Variants in GNAL observed in about 807,000 individuals in gnomAD.
GNAL encodes guanine nucleotide-binding protein G(olf) subunit alpha.
Under a neutral mutation model 55.1 loss-of-function variants are expected in GNAL, and 18 were observed. The ratio of observed to expected loss-of-function variants is 0.33; its 90% CI spans 0.23 to 0.48. The LOEUF is 0.48. GNAL is among the 20% of genes least tolerant of loss of function. GNAL has a pLI of 0.99. For synonymous variants in GNAL, 253 were observed against 237.0 expected (o/e 1.07, Z -0.62); for missense variants, 412 against 614.1 (o/e 0.67, Z 3.48).
chr18:11,693,607 C>T (rs2031319350), intron 1 of GNAL, among the ~76,000 whole-genome samples: 1 of 152,120 alleles, frequency 6.6e-6, no homozygotes, highest in Non-Finnish European at 1.5e-5. Context: ...ACTTATGCTG[C>T]CATTGTGTTT....
At position 11,876,614 on chromosome 18, in the gene GNAL, T is replaced by G. The variant is rs3892113; in HGVS notation, c.1163-7T>G. ...CTTAAATAAAGTTCCATTTGTCATT[T>G]CTACAGCAACACCAGATGCAGGAGA... On this transcript the variant is annotated splice_polypyrimidine_tract_variant and splice_region_variant and intron_variant, in intron 10 of 11. Coordinates refer to ENST00000334049, the MANE Select transcript of GNAL (RefSeq NM_182978.4). The G allele has an allele frequency of 0.064, 100,421 of 1,559,264 alleles. 3,621 individuals are homozygous for G. Among genetic ancestry groups the G allele is most frequent in the Middle Eastern group, 0.09 (538 of 5,972 alleles).
intron 5 of GNAL, among the ~76,000 whole-genome samples, chr18:11,854,610 C>T (rs977988922): frequency 6.6e-6 from 1 of 152,068 alleles, no homozygotes; most frequent in Non-Finnish European, 1.5e-5. Flanking sequence ...GGAGAAACCC[C>T]GCCTCTACTA....
chr18:11,862,515 A>C, intron 6 of GNAL, 66 bp downstream of exon 6: 1 of 1,265,808 alleles, frequency 7.9e-7, no homozygotes, highest in Non-Finnish European at 1.2e-6. Flanking sequence ...ATATGATTTA[A>C]TGATTATTTC....
chr18:11,753,552 A>G, intron 2 of GNAL, 76 bp from the exon 3 acceptor site: 1 of 966,520 alleles, frequency 1.0e-6, no homozygotes, highest in South Asian at 1.3e-5. Context: ...GTAGCTGGAA[A>G]TTTAAAATCC....
In GNAL at chr18:11,752,318, A is replaced by G; in HGVS notation, c.377-535A>G. ...CGGAAAACACCGAAGAGACCAGACC[A>G]TCTCTTTCAGCAGCAGGAAAGAGAG... On this transcript the variant is annotated intron_variant, in intron 1 of 11. Transcript: ENST00000334049. The surrounding 1 kb of genome is among the most constrained non-coding windows in gnomAD (Gnocchi z 4.5). 9 of 1,474,704 alleles carry G rather than the reference A, an allele frequency of 6.1e-6. No homozygotes were observed. The highest frequency in any genetic ancestry group is 5.3e-5 in the East Asian group (2 of 38,034). 91.4% of individuals were successfully genotyped at this position (1,474,704 alleles called of 1,614,324 possible).
chr18:11,827,722 A>C (rs1207857506), intron 5 of GNAL, among the ~76,000 whole-genome samples: 2 of 152,338 alleles, frequency 1.3e-5, no homozygotes, highest in Admixed American at 1.3e-4. Context: ...CTGTAATCCC[A>C]GCACTTTGGG....
intron 5 of GNAL, among the ~76,000 whole-genome samples, chr18:11,858,879 A>C (rs779112930): frequency 6.6e-6 from 1 of 152,168 alleles, no homozygotes; most frequent in Non-Finnish European, 1.5e-5. Context: ...GGTTGGCGAC[A>C]GGAGAAGACC....
chr18:11,858,337 A>G (rs535494156), intron 5 of GNAL, among the ~76,000 whole-genome samples: 1 of 152,148 alleles, frequency 6.6e-6, no homozygotes, highest in Non-Finnish European at 1.5e-5. Context: ...TTACAATGCT[A>G]ATTTGGTATA....
At chr18:11,763,317 A>T (rs1481568862) in intron 4 of GNAL, among the ~76,000 whole-genome samples, 1 of 152,194 alleles carries the variant, frequency 6.6e-6, no homozygotes, top group Non-Finnish European at 1.5e-5. Context: ...CTCTAACTAC[A>T]TCAGTGTGTA....
At chr18:11,732,475 GAA>G (rs2032361165) in intron 1 of GNAL, among the ~76,000 whole-genome samples, 1 of 151,470 alleles carries the variant, frequency 6.6e-6, no homozygotes, top group African/African-American at 2.5e-5. Flanking sequence ...CTTCTTTAGA[GAA>G]ATGTCTGTTC....
chr18:11,723,163 G>A (rs2032137352), intron 1 of GNAL, among the ~76,000 whole-genome samples: 1 of 152,198 alleles, frequency 6.6e-6, no homozygotes, highest in Non-Finnish European at 1.5e-5. Context: ...CAGCCTGGGT[G>A]ACAGAGTGAG....
chr18:11,691,675 A>G (rs370794157), intron 1 of GNAL, among the ~76,000 whole-genome samples: 94 of 152,264 alleles, frequency 6.2e-4, no homozygotes, highest in African/African-American at 2.0e-3. Flanking sequence ...AGCTTTCTAC[A>G]TATGGCTAGC....
chr18:11,789,860 A>G (rs1017514940), intron 4 of GNAL, among the ~76,000 whole-genome samples: 4 of 152,352 alleles, frequency 2.6e-5, no homozygotes, highest in South Asian at 2.1e-4. Context: ...GTGTAATAAG[A>G]TGCAGCTTCT....
chr18:11,868,713 T>C lies in GNAL; in HGVS notation c.1031+50T>C. 2.0e-6 allele frequency: 3 copies of C among 1,537,264 alleles called. No individual in the cohort carries two copies. The highest frequency in any genetic ancestry group is 2.7e-6 in the Non-Finnish European group (3 of 1,125,418). On this transcript the variant is annotated intron_variant, in intron 9 of 11. Transcript: ENST00000334049. This position sits in a 1 kb window ranked among gnomAD's most constrained non-coding sequence, Gnocchi z 4.0. ...TTACCATTGGATTGCAAATTTTCTT[T>C]TGTTAAAAATACGCTCAGGCCAGGC... is the stretch of plus-strand genomic sequence containing the variant.
At chr18:11,862,490 T>G (rs778263792) in intron 6 of GNAL, 41 bp downstream of exon 6, 17 of 1,342,138 alleles carry the variant, frequency 1.3e-5, no homozygotes, top group Middle Eastern at 3.6e-4. Context: ...CCAGAAACTT[T>G]GAGATTCATT....
chr18:11,705,611 G>A (rs1427945075), intron 1 of GNAL, among the ~76,000 whole-genome samples: 4 of 152,024 alleles, frequency 2.6e-5, no homozygotes, highest in Non-Finnish European at 4.4e-5. Flanking sequence ...CATCTTTGCC[G>A]ACACTTGCTA....
chr18:11,741,399 A>G (rs2032571751), intron 1 of GNAL, among the ~76,000 whole-genome samples: 1 of 152,198 alleles, frequency 6.6e-6, no homozygotes, highest in Admixed American at 6.5e-5. Context: ...TACAAATATT[A>G]GCATAAATTT....
intron 5 of GNAL, among the ~76,000 whole-genome samples, chr18:11,855,789 A>G: frequency 6.6e-6 from 1 of 152,122 alleles, no homozygotes; most frequent in Non-Finnish European, 1.5e-5. Context: ...CCTGACCAAC[A>G]TGAAGAAACC....
At chr18:11,701,909 G>A (rs1463490206) in intron 1 of GNAL, among the ~76,000 whole-genome samples, 1 of 152,126 alleles carries the variant, frequency 6.6e-6, no homozygotes, top group African/African-American at 2.4e-5. Context: ...ATGGGAAGGT[G>A]GAGATTGTCT....
Sources: allele counts gnomAD v4.1 joint callset (sites outside exome capture counted in the v4.1 genomes callset), GRCh38; gene constraint gnomAD v4.1.1; non-coding constraint Gnocchi (gnomAD v3.1); transcripts MANE v1.5; gene names NCBI Gene and HGNC (gene_info 2026-07-23, HGNC 2026-07-21).